The following HHIP variants were observed in gnomAD, a reference collection of about 807,000 sequenced individuals.
HHIP encodes the protein hedgehog-interacting protein.
A neutral mutation model predicts 74.0 loss-of-function variants in HHIP; 12 were observed. That is an observed-to-expected ratio of 0.16 (90% CI 0.10 to 0.26). HHIP has a LOEUF of 0.26. Among genes scored for constraint, HHIP ranks in the 10% least tolerant of loss-of-function variants. The pLI, the probability that HHIP is intolerant of heterozygous loss-of-function variation, is 1.00. For synonymous variants in HHIP, 309 were observed against 311.6 expected (o/e 0.99, Z 0.09); for missense variants, 788 against 845.0 (o/e 0.93, Z 0.84).
Position 144,711,975 on chromosome 4 carries a change from G to A in HHIP, c.1327G>A (p.Asp443Asn), listed in dbSNP as rs1048533693. The A allele has an allele frequency of 1.9e-6, 3 of 1,611,958 alleles. No individual in the cohort carries two copies. Among genetic ancestry groups the A allele is most frequent in the Non-Finnish European group, 2.5e-6 (3 of 1,178,494 alleles). ...GRCAVDRHPT[D>N]ININLTILCS... ...ATGTGCTGTGGATAGACATCCCACT[G>A]ATATAAACATCAATTTAACGATACT... The change falls in exon 8 of 13, where the codon GAT (aspartate) becomes AAT (asparagine). Residue 443 changes from aspartate (D) to asparagine (N), a missense_variant. Coordinates refer to ENST00000296575, the MANE Select transcript of HHIP (RefSeq NM_022475.3).
chr4:144,650,282 C>A (rs546187946), intron 1 of HHIP, among the ~76,000 whole-genome samples: 9 of 152,126 alleles, frequency 5.9e-5, no homozygotes, highest in African/African-American at 2.2e-4. Flanking sequence ...GGATGACCTG[C>A]CAGATGTTAT....
chr4:144,651,502 T>A (rs554278847), intron 1 of HHIP, among the ~76,000 whole-genome samples: 1 of 152,074 alleles, frequency 6.6e-6, no homozygotes, highest in Non-Finnish European at 1.5e-5. Context: ...ATGGAATATT[T>A]GTTTAAAACA....
intron 11 of HHIP, among the ~76,000 whole-genome samples, chr4:144,725,403 A>C (rs1730768328): frequency 6.6e-6 from 1 of 152,206 alleles, no homozygotes; most frequent in South Asian, 2.1e-4. Context: ...ATTTGAACTG[A>C]CATTCCTGTG....
At chr4:144,724,569 A>C (rs908215083) in intron 11 of HHIP, among the ~76,000 whole-genome samples, 24 of 150,740 alleles carry the variant, frequency 1.6e-4, no homozygotes, top group African/African-American at 5.6e-4. Context: ...TTGTGAAATG[A>C]CTGAGTCAAG....
At chr4:144,673,387 A>T (rs1481939340) in intron 4 of HHIP, among the ~76,000 whole-genome samples, 1 of 152,234 alleles carries the variant, frequency 6.6e-6, no homozygotes, top group Non-Finnish European at 1.5e-5. Context: ...GGTTCTGGTG[A>T]AAGGTTGTAA....
intron 11 of HHIP, among the ~76,000 whole-genome samples, chr4:144,731,007 T>G (rs1730940509): frequency 6.6e-6 from 1 of 152,200 alleles, no homozygotes; most frequent in Non-Finnish European, 1.5e-5. Context: ...TTACTATGAT[T>G]ATAATTATTA....
intron 4 of HHIP, among the ~76,000 whole-genome samples, chr4:144,665,308 A>G (rs1451895440): frequency 2.6e-5 from 4 of 152,290 alleles, no homozygotes; most frequent in South Asian, 4.1e-4. Context: ...GACTCAAGCA[A>G]TGCACCTGCC....
In HHIP at chr4:144,646,973, C is replaced by T. The variant is rs1020384964; in HGVS notation, c.279+19C>T. 6.3e-7 allele frequency: 1 copy of T among 1,577,426 alleles called. No individual in the cohort carries two copies. Among genetic ancestry groups the T allele is most frequent in the African/African-American group, 1.4e-5 (1 of 73,986 alleles). On this transcript the variant is annotated intron_variant, in intron 1 of 12. Coordinates refer to ENST00000296575, the MANE Select transcript of HHIP (RefSeq NM_022475.3). The stretch of plus-strand genomic sequence containing the variant: ...GAATAAGGTAGGCACTCACCGGCTT[C>T]ACGGATGCGTACTTGGCATATTGGC...
At chr4:144,734,654 T>C (rs1731056006) in intron 11 of HHIP, 87 bp from the exon 12 acceptor site, 2 of 1,094,796 alleles carry the variant, frequency 1.8e-6, no homozygotes, top group Non-Finnish European at 2.5e-6. Context: ...GTAAGAGGCA[T>C]GCTTTGTAAG....
intron 4 of HHIP, among the ~76,000 whole-genome samples, chr4:144,665,343 C>CCACCA (rs1203399402): frequency 6.6e-6 from 1 of 152,118 alleles, no homozygotes; most frequent in Non-Finnish European, 1.5e-5. Flanking sequence ...TGCTAGGATT[C>CCACCA]CACCACACTT....
chr4:144,736,042 G>T (rs1426608522), intron 12 of HHIP, among the ~76,000 whole-genome samples: 1 of 151,424 alleles, frequency 6.6e-6, no homozygotes, highest in Admixed American at 6.6e-5. Flanking sequence ...AAAAATATGA[G>T]AATCAGTATT....
At chr4:144,658,463 G>T (rs768275872) in intron 2 of HHIP, among the ~76,000 whole-genome samples, 1 of 151,080 alleles carries the variant, frequency 6.6e-6, no homozygotes, top group Admixed American at 6.6e-5. Context: ...TCCACCTCCC[G>T]GTTCAAGTGA....
In HHIP at chr4:144,646,896, C is replaced by G; in HGVS notation, c.221C>G (p.Pro74Arg). The G allele has an allele frequency of 6.2e-7, 1 of 1,614,052 alleles. No individual in the cohort carries two copies. The highest frequency in any genetic ancestry group is 8.5e-7 in the Non-Finnish European group (1 of 1,179,960). ...GGEMLCGGFY[P>R]RLSCCLRSDS... ...GAGATGCTGTGCGGTGGCTTCTACCCTCGGCTGTCCTGCTGCCTGCGGAGT... is the reference window on the plus strand; with the variant it reads ...GAGATGCTGTGCGGTGGCTTCTACCGTCGGCTGTCCTGCTGCCTGCGGAGT... The change falls in exon 1 of 13, where the codon CCT becomes CGT. Residue 74 changes from proline to arginine, a missense_variant. Transcript: ENST00000296575.
chr4:144,712,162 G>T (rs911920224), intron 8 of HHIP, 91 bp downstream of exon 8: 1 of 1,154,314 alleles, frequency 8.7e-7, no homozygotes. Flanking sequence ...TCTGAAAAAT[G>T]AGCATTTGGG....
intron 4 of HHIP, among the ~76,000 whole-genome samples, chr4:144,683,963 T>C (rs1005204164): frequency 6.6e-6 from 1 of 151,730 alleles, no homozygotes; most frequent in Admixed American, 6.6e-5. Flanking sequence ...CTTGGGAGGC[T>C]GAGGCAGGAG....
intron 2 of HHIP, 102 bp from the exon 3 acceptor site, chr4:144,658,688 C>T: frequency 1.1e-6 from 1 of 919,738 alleles, no homozygotes; most frequent in Non-Finnish European, 1.6e-6. Context: ...AAAATATCCA[C>T]CTAGTTTCCC....
intron 4 of HHIP, among the ~76,000 whole-genome samples, chr4:144,688,373 A>G (rs777234546): frequency 1.6e-4 from 24 of 152,180 alleles, no homozygotes; most frequent in Non-Finnish European, 3.2e-4. Flanking sequence ...TGGTGCTTCT[A>G]TAGAATTAAT....
chr4:144,743,790 C>G lies in HHIP; in HGVS notation c.*5833C>G, dbSNP rs543166810. On this transcript the variant is annotated 3_prime_UTR_variant, in exon 13 of 13. Transcript: ENST00000296575. ...TCATAATGGCTAAATATGAAATAAG[C>G]TTTGTCTTTGCAGTTACAAACTAAT... is the stretch of plus-strand genomic sequence containing the variant. 1 of 151,948 alleles carries G rather than the reference C, an allele frequency of 6.6e-6. No homozygotes were observed. Among genetic ancestry groups the G allele is most frequent in the Non-Finnish European group, 1.5e-5 (1 of 67,940 alleles). 9.4% of individuals were successfully genotyped at this position (151,948 alleles called of 1,614,324 possible). A position where few individuals can be genotyped will look rare whatever the true frequency, so the allele number is the denominator to read the frequency against.
At chr4:144,717,073 A>C (rs780858807) in intron 10 of HHIP, among the ~76,000 whole-genome samples, 9 of 152,066 alleles carry the variant, frequency 5.9e-5, no homozygotes, top group Non-Finnish European at 1.2e-4. Context: ...AGAACTAAAA[A>C]ATAAAGATAT....
Sources: gnomAD v4.1 joint callset for allele counts (sites outside exome capture counted in the v4.1 genomes callset) on GRCh38, gnomAD v4.1.1 for gene constraint, MANE v1.5 for transcripts, NCBI Gene and HGNC (gene_info 2026-07-23, HGNC 2026-07-21) for gene names.